The following N4BP2L2 variants were observed in gnomAD, a reference collection of about 807,000 sequenced individuals.
N4BP2L2 encodes the protein NEDD4-binding protein 2-like 2.
In N4BP2L2, 50 loss-of-function variants were observed where a neutral mutation model predicts 56.2. That is an observed-to-expected ratio of 0.89 (90% confidence interval 0.71 to 1.13). The LOEUF is 1.13. Among genes scored for constraint, N4BP2L2 ranks in the 50% most tolerant of loss-of-function variants. The probability of loss-of-function intolerance (pLI) is 0.00; values close to 1 mark genes in which losing one functional copy is unlikely to be tolerated. For missense variants in N4BP2L2, 689 were observed against 693.8 expected, an observed-to-expected ratio of 0.99 and a Z score of 0.08; for synonymous variants, 203 against 223.6, an observed-to-expected ratio of 0.91 and a Z score of 0.82.
At chr13:32,505,768 A>G (rs886334704), downstream of N4BP2L2, 2 of 152,166 alleles carry the variant, frequency 1.3e-5, no homozygotes, top group South Asian at 4.1e-4. Context: ...ATTTCTACCA[A>G]TATTTATTCA....
chr13:32,494,329 C>G (rs1226278631), intron 6 of N4BP2L2, among the ~76,000 whole-genome samples: 3 of 151,960 alleles, frequency 2.0e-5, no homozygotes, highest in Non-Finnish European at 4.4e-5. Context: ...AGGAGATATC[C>G]TGTAAATCCC....
chr13:32,535,249 A>G (rs943254823), intron 2 of N4BP2L2, among the ~76,000 whole-genome samples: 4 of 152,226 alleles, frequency 2.6e-5, no homozygotes, highest in Admixed American at 6.5e-5. Context: ...CTCACCTCCA[A>G]CTGAACTTGA....
intron 7 of N4BP2L2, chr13:32,442,256 C>T: frequency 1.2e-6 from 1 of 800,978 alleles, no homozygotes; most frequent in Non-Finnish European, 1.9e-6. Flanking sequence ...TATGGATCCT[C>T]ACTCACTGCT....
chr13:32,469,769 G>A (rs531271070), intron 6 of N4BP2L2, among the ~76,000 whole-genome samples: 14 of 152,360 alleles, frequency 9.2e-5, no homozygotes, highest in East Asian at 5.8e-4. Context: ...ACTGTCAGAC[G>A]ATGAAAGTCA....
chr13:32,434,185 T>C (rs2075180479), intron 9 of N4BP2L2, among the ~76,000 whole-genome samples: 2 of 149,346 alleles, frequency 1.3e-5, no homozygotes, highest in African/African-American at 2.4e-5. Flanking sequence ...CAAACAATTC[T>C]CCTGCCTCAG....
chr13:32,522,056 C>A, intron 4 of N4BP2L2, 126 bp downstream of exon 4: 1 of 652,322 alleles, frequency 1.5e-6, no homozygotes, highest in Non-Finnish European at 2.6e-6. Context: ...CTAAGCAAAC[C>A]AACAAACCTC....
downstream of N4BP2L2, chr13:32,508,498 T>A (rs1388336430): frequency 6.6e-6 from 1 of 152,088 alleles, no homozygotes; most frequent in African/African-American, 2.4e-5. Context: ...TGGACACAAA[T>A]GGAGGTGGAA....
intron 6 of N4BP2L2, among the ~76,000 whole-genome samples, chr13:32,461,755 G>A (rs567853672): frequency 1.8e-4 from 27 of 151,994 alleles, no homozygotes; most frequent in Admixed American, 2.0e-4. Flanking sequence ...GGTGTGCACC[G>A]TCATGCCTGG....
In N4BP2L2 at chr13:32,500,865, C is replaced by CTTTTTTTTT. The variant is rs368419149; in HGVS notation, c.365+16983_365+16991dup. On this transcript the variant is annotated intron_variant, in intron 6 of 9. Transcript: ENST00000357505. ...GACAACTCTGTCACTTTAGTCTTTT[C>CTTTTTTTTT]TTTTTTTTTTTTTTTTTGAGATGGA... Among the ~76,000 whole-genome samples, 4 of 127,406 alleles carry CTTTTTTTTT rather than the reference C, an allele frequency of 3.1e-5. 1 individual carries two copies. Among genetic ancestry groups the CTTTTTTTTT allele is most frequent in the African/African-American group, 2.9e-5 (1 of 34,284 alleles). 83.6% of individuals were successfully genotyped at this position (127,406 alleles called of 152,430 possible).
chr13:32,457,590 GA>G (rs2079182821), intron 6 of N4BP2L2, among the ~76,000 whole-genome samples: 1 of 152,142 alleles, frequency 6.6e-6, no homozygotes, highest in Non-Finnish European at 1.5e-5. Flanking sequence ...AGTGCTGAAA[GA>G]AAAACAAAAT....
chr13:32,475,467 G>A (rs2083141588), intron 6 of N4BP2L2, among the ~76,000 whole-genome samples: 1 of 152,222 alleles, frequency 6.6e-6, no homozygotes, highest in African/African-American at 2.4e-5. Flanking sequence ...CCAGTTTGAG[G>A]AGGCGGTGTC....
At chr13:32,446,501 A>G (rs1022459302) in intron 6 of N4BP2L2, 2 of 1,309,090 alleles carry the variant, frequency 1.5e-6, no homozygotes, top group African/African-American at 3.0e-5. Flanking sequence ...GCAAGGAGAA[A>G]AAGAACAAAT....
At chr13:32,488,449 G>A (rs1349517727) in intron 6 of N4BP2L2, among the ~76,000 whole-genome samples, 4 of 152,084 alleles carry the variant, frequency 2.6e-5, no homozygotes, top group East Asian at 3.8e-4. Flanking sequence ...CAATGCTTAC[G>A]ACCTAGGTGA....
chr13:32,530,092 CG>C (rs1566185044), intron 2 of N4BP2L2, among the ~76,000 whole-genome samples: 1 of 152,004 alleles, frequency 6.6e-6, no homozygotes, highest in African/African-American at 2.4e-5. Flanking sequence ...ATCTAAAAAA[CG>C]GTTTAAATTT....
intron 7 of N4BP2L2, among the ~76,000 whole-genome samples, chr13:32,440,485 T>C (rs1490493223): frequency 2.0e-5 from 3 of 152,208 alleles, no homozygotes; most frequent in African/African-American, 7.2e-5. Flanking sequence ...AATTTTTTTT[T>C]TGAAAGAGTC....
At position 32,470,812 on chromosome 13, in the gene N4BP2L2, T is replaced by C. The variant is rs531550658; in HGVS notation, c.366-26686A>G. Among the ~76,000 whole-genome samples the C allele has an allele frequency of 7.9e-5, 12 of 152,294 alleles. No individual in the cohort carries two copies. In the East Asian group the frequency reaches 1.9e-3, roughly 24 times the overall value. ...TTAGCTGCAGTGTTACAAGAGGTCT[T>C]GGCACCTGTAGTCCTCATGCAAGAT... On this transcript the variant is annotated intron_variant, in intron 6 of 9. Coordinates refer to the N4BP2L2 transcript ENST00000357505.
intron 7 of N4BP2L2, among the ~76,000 whole-genome samples, chr13:32,441,509 C>T (rs1054439945): frequency 1.3e-4 from 20 of 150,636 alleles, no homozygotes; most frequent in African/African-American, 4.6e-4. Context: ...CATGGTGAAA[C>T]CCTGTCTCTA....
At chr13:32,502,938 C>T (rs990476399) in intron 6 of N4BP2L2, among the ~76,000 whole-genome samples, 3 of 151,918 alleles carry the variant, frequency 2.0e-5, no homozygotes, top group Non-Finnish European at 2.9e-5. Flanking sequence ...TTTGGGAGGC[C>T]GAGGTGGACA....
At chr13:32,438,947 T>C (rs570026817) in intron 7 of N4BP2L2, among the ~76,000 whole-genome samples, 1 of 152,376 alleles carries the variant, frequency 6.6e-6, no homozygotes, top group African/African-American at 2.4e-5. Context: ...ATTTGAGTTC[T>C]TGCCTTATTT....
Sources: allele counts gnomAD v4.1 joint callset (sites outside exome capture counted in the v4.1 genomes callset), GRCh38; gene constraint gnomAD v4.1.1; transcripts MANE v1.5; gene names NCBI Gene and HGNC (gene_info 2026-07-23, HGNC 2026-07-21).